The following EGFR variants were observed in gnomAD, a reference collection of about 807,000 sequenced individuals.
EGFR encodes the protein avian erythroblastic leukemia viral (v-erb-b) oncogene homolog.
In EGFR, 58 loss-of-function variants were observed where a neutral mutation model predicts 143.0. That is an observed-to-expected ratio of 0.41 (90% CI 0.33 to 0.50). EGFR has a LOEUF of 0.50. Among genes scored for constraint, EGFR ranks in the 20% least tolerant of loss-of-function variants. EGFR has a pLI of 0.39. For missense variants in EGFR, 1,307 were observed against 1,579.0 expected (o/e 0.83, Z 2.92); for synonymous variants, 613 against 594.4 (o/e 1.03, Z -0.45).
intron 4 of EGFR, among the ~76,000 whole-genome samples, chr7:55,148,727 G>C (rs1251917566): frequency 6.6e-6 from 1 of 152,156 alleles, no homozygotes; most frequent in African/African-American, 2.4e-5. Flanking sequence ...CCTGATACCT[G>C]AAATTTCCTC....
intron 27 of EGFR, 96 bp downstream of exon 27, chr7:55,202,721 G>T: frequency 8.9e-7 from 1 of 1,122,842 alleles, no homozygotes; most frequent in Non-Finnish European, 1.3e-6. Flanking sequence ...GCTCCCTCCA[G>T]CATCTCCAGA....
rs1562650520 is a variant in EGFR, at chr7:55,027,994, AT to A, written c.88+8630del. Among the ~76,000 whole-genome samples, 259 of 55,062 alleles carry A rather than the reference AT, an allele frequency of 4.7e-3. 1 individual carries two copies. Among genetic ancestry groups the A allele is most frequent in the East Asian group, 7.4e-3 (13 of 1,752 alleles). The allele number at this position is 55,062 out of a possible 152,430, so 36.1% of individuals were successfully genotyped here. On this transcript the variant is annotated intron_variant, in intron 1 of 27. Coordinates refer to ENST00000275493, the MANE Select transcript of EGFR (RefSeq NM_005228.5). Reference sequence around the variant, plus strand: ...TTTATGTAAAAAAAAAAAAAAAAATATATATATATATATATATATATATATA... The same window carrying A: ...TTTATGTAAAAAAAAAAAAAAAAATAATATATATATATATATATATATATA...
chr7:55,204,152 C>T (rs1428193467), intron 27 of EGFR, among the ~76,000 whole-genome samples: 3 of 130,804 alleles, frequency 2.3e-5, no homozygotes, highest in African/African-American at 8.0e-5. Flanking sequence ...CTACACACAC[C>T]AACTACACAC....
chr7:55,071,177 T>G (rs1187944680), intron 1 of EGFR, among the ~76,000 whole-genome samples: 1 of 152,096 alleles, frequency 6.6e-6, no homozygotes, highest in Admixed American at 6.6e-5. Context: ...ATTTGGAGGG[T>G]TGGTGTTACT....
intron 1 of EGFR, among the ~76,000 whole-genome samples, chr7:55,118,790 T>A (rs191406410): frequency 3.9e-4 from 60 of 152,200 alleles, no homozygotes; most frequent in Middle Eastern, 3.4e-3. Flanking sequence ...AGGGGTGAAG[T>A]GACACATAAG....
intron 23 of EGFR, among the ~76,000 whole-genome samples, chr7:55,199,390 T>C (rs1172444152): frequency 2.0e-5 from 3 of 152,360 alleles, no homozygotes; most frequent in African/African-American, 2.4e-5. Flanking sequence ...ACGAGTGCAG[T>C]GGGCTCTGGA....
At chr7:55,136,076 G>A (rs1243183072) in intron 1 of EGFR, among the ~76,000 whole-genome samples, 3 of 152,160 alleles carry the variant, frequency 2.0e-5, no homozygotes, top group Admixed American at 2.0e-4. Context: ...ATGCTTCCGT[G>A]CATTTGAGCA....
At chr7:55,173,810 C>T (rs2128953286) in intron 17 of EGFR, 111 bp from the exon 18 acceptor site, 1 of 1,572,248 alleles carries the variant, frequency 6.4e-7, no homozygotes, top group Non-Finnish European at 8.7e-7. Flanking sequence ...TGTCCTGGCA[C>T]CCAAGCCCAT....
At chr7:55,020,007 G>C (rs1250330379) in intron 1 of EGFR, among the ~76,000 whole-genome samples, 3 of 152,192 alleles carry the variant, frequency 2.0e-5, no homozygotes, top group Admixed American at 1.3e-4. Flanking sequence ...CGCGATCCTC[G>C]TTCCCCAGTG....
chr7:55,201,660 A>G (rs1235702943), intron 25 of EGFR, 75 bp from the exon 26 acceptor site: 1 of 1,567,586 alleles, frequency 6.4e-7, no homozygotes, highest in Non-Finnish European at 8.8e-7. Flanking sequence ...CATGAGGCAC[A>G]CCACCTGCAT....
chr7:55,167,803 A>G (rs1351177875), intron 15 of EGFR, among the ~76,000 whole-genome samples: 1 of 152,220 alleles, frequency 6.6e-6, no homozygotes, highest in Non-Finnish European at 1.5e-5. Flanking sequence ...AATCTCCAAC[A>G]GTGATATCTT....
chr7:55,124,070 G>A (rs1448489899), intron 1 of EGFR, among the ~76,000 whole-genome samples: 2 of 152,178 alleles, frequency 1.3e-5, no homozygotes, highest in African/African-American at 4.8e-5. Flanking sequence ...CTAGAGTCTA[G>A]TTAGAGAAAG....
rs146568717 is a variant in EGFR, at chr7:55,210,594, G to A, written c.*4977G>A. 2.0e-5 allele frequency: 3 copies of A among 152,340 alleles called. No homozygotes were observed. In the East Asian group the frequency reaches 5.8e-4, roughly 29 times the overall value. The allele number at this position is 152,340 out of a possible 1,614,324, so 9.4% of individuals were successfully genotyped here. ...TTGGAGGCAAATTCTGCAGGTGTAT[G>A]TGATTCTCAGGCCTAGAGAGCTAAG... On this transcript the variant is annotated 3_prime_UTR_variant, in exon 28 of 28. Transcript: ENST00000275493.
At chr7:55,041,016 A>G (rs1401397246) in intron 1 of EGFR, among the ~76,000 whole-genome samples, 1 of 152,280 alleles carries the variant, frequency 6.6e-6, no homozygotes, top group Non-Finnish European at 1.5e-5. Context: ...ATCACTCTGG[A>G]TCACAGCAGT....
chr7:55,183,490 G>C (rs1399864918), intron 20 of EGFR, among the ~76,000 whole-genome samples: 1 of 152,174 alleles, frequency 6.6e-6, no homozygotes, highest in East Asian at 1.9e-4. Context: ...ACATTCTGCA[G>C]TTTTGGGTAG....
chr7:55,115,912 C>T (rs1792811278), intron 1 of EGFR, among the ~76,000 whole-genome samples: 1 of 152,174 alleles, frequency 6.6e-6, no homozygotes, highest in Non-Finnish European at 1.5e-5. Flanking sequence ...GCAGATTATG[C>T]GGAGAGAGAT....
intron 1 of EGFR, among the ~76,000 whole-genome samples, chr7:55,075,896 G>A (rs546002602): frequency 5.3e-5 from 8 of 152,262 alleles, no homozygotes; most frequent in Non-Finnish European, 1.0e-4. Flanking sequence ...TTCAAGGGGT[G>A]GGGGTGCAAT....
At chr7:55,153,183 G>C (rs1405594980) in intron 6 of EGFR, among the ~76,000 whole-genome samples, 1 of 152,174 alleles carries the variant, frequency 6.6e-6, no homozygotes, top group Non-Finnish European at 1.5e-5. Flanking sequence ...CTCCACCACT[G>C]CTCAGGCACC....
intron 1 of EGFR, among the ~76,000 whole-genome samples, chr7:55,115,778 G>T (rs1792802912): frequency 6.6e-6 from 1 of 152,228 alleles, no homozygotes; most frequent in African/African-American, 2.4e-5. Flanking sequence ...TAGCAGGCAG[G>T]TGTCTTTGCT....
Sources: gnomAD v4.1 joint callset for allele counts (sites outside exome capture counted in the v4.1 genomes callset) on GRCh38, gnomAD v4.1.1 for gene constraint, MANE v1.5 for transcripts, NCBI Gene and HGNC (gene_info 2026-07-23, HGNC 2026-07-21) for gene names.